Variants in SH3RF1 observed in about 807,000 individuals in gnomAD.
The protein encoded by SH3RF1 is SH3 domain containing ring finger 1.
SH3RF1 carries 32 observed loss-of-function variants against 74.0 expected under a neutral mutation model. That is an observed-to-expected ratio of 0.43 (90% CI 0.33 to 0.58). The LOEUF is 0.58. Among genes scored for constraint, SH3RF1 ranks in the 20% least tolerant of loss-of-function variants. The pLI is 0.05. For synonymous variants in SH3RF1, 396 were observed against 439.6 expected, an observed-to-expected ratio of 0.90 and a Z score of 1.24; for missense variants, 954 against 1,130.9, an observed-to-expected ratio of 0.84 and a Z score of 2.24.
Position 169,269,085 on chromosome 4 carries a change from G to T in SH3RF1, c.128C>A (p.Ser43Tyr). The change falls in exon 2 of 12, where the codon TCT becomes TAT. Residue 43 changes from serine to tyrosine, a missense_variant. By Grantham distance (144) the Ser-to-Tyr change is moderately radical (BLOSUM62 -2). Coordinates refer to ENST00000284637, the MANE Select transcript of SH3RF1 (RefSeq NM_020870.4). ...CTCGGGACATCTGAGTTCATTTCGA[G>T]AACCTACGATCCCCAGCAAACATCG... is the stretch of plus-strand genomic sequence containing the variant. Reference protein sequence around the residue: ...CKRCLLGIVGSRNELRCPECR... With the variant: ...CKRCLLGIVGYRNELRCPECR... 1 of 1,614,158 alleles carries T rather than the reference G, an allele frequency of 6.2e-7. No individual in the cohort carries two copies. The highest frequency in any genetic ancestry group is 1.7e-5 in the Admixed American group (1 of 60,024).
chr4:169,168,751 G>GA (rs1734283198), intron 2 of SH3RF1, among the ~76,000 whole-genome samples: 1 of 152,234 alleles, frequency 6.6e-6, no homozygotes, highest in African/African-American at 2.4e-5. Flanking sequence ...CAAAGGGACA[G>GA]ACTATGACTG....
At chr4:169,100,650 T>C (rs1408490806) in intron 11 of SH3RF1, among the ~76,000 whole-genome samples, 1 of 152,182 alleles carries the variant, frequency 6.6e-6, no homozygotes, top group East Asian at 1.9e-4. Flanking sequence ...CACATACTAA[T>C]ATTCTTAAGT....
intron 10 of SH3RF1, among the ~76,000 whole-genome samples, chr4:169,113,852 G>A (rs17054728): frequency 6.6e-6 from 1 of 151,998 alleles, no homozygotes; most frequent in Non-Finnish European, 1.5e-5. Flanking sequence ...AAACTTCAAG[G>A]GTATAGCATT....
chr4:169,157,106 T>A (rs1450339348), intron 2 of SH3RF1, among the ~76,000 whole-genome samples: 1 of 152,202 alleles, frequency 6.6e-6, no homozygotes, highest in Non-Finnish European at 1.5e-5. Context: ...AGGGGAAAAA[T>A]TTAAACCAAA....
Position 169,216,460 on chromosome 4 carries a change from T to C in SH3RF1, c.393+52360A>G, listed in dbSNP as rs757705352. 1.7e-3 allele frequency among the ~76,000 whole-genome samples: 262 copies of C among 152,330 alleles called. 1 individual carries two copies. Among genetic ancestry groups the C allele is most frequent in the Non-Finnish European group, 3.2e-3 (221 of 68,026 alleles). On this transcript the variant is annotated intron_variant, in intron 2 of 11. Transcript: ENST00000284637. ...TCTGGCTAAAATTTTCCATAACTGT[T>C]CTTGCTCCTTTTATTGTTGTTGTGA... is the stretch of plus-strand genomic sequence containing the variant.
At chr4:169,138,063 TC>T (rs1254565876) in intron 4 of SH3RF1, among the ~76,000 whole-genome samples, 1 of 152,206 alleles carries the variant, frequency 6.6e-6, no homozygotes, top group African/African-American at 2.4e-5. Context: ...AAAGACTTCT[TC>T]CGATATGTGT....
chr4:169,145,798 A>G (rs1286023710), intron 4 of SH3RF1, among the ~76,000 whole-genome samples: 2 of 131,032 alleles, frequency 1.5e-5, no homozygotes, highest in Non-Finnish European at 3.2e-5. Flanking sequence ...ATTATTCTAT[A>G]TAAAATATAT....
chr4:169,176,772 C>G (rs1734428127), intron 2 of SH3RF1, among the ~76,000 whole-genome samples: 1 of 152,238 alleles, frequency 6.6e-6, no homozygotes, highest in Middle Eastern at 3.4e-3. Flanking sequence ...AACTCCCTGC[C>G]TCAGGCAATC....
chr4:169,252,072 C>T (rs537634160), intron 2 of SH3RF1, among the ~76,000 whole-genome samples: 29 of 152,180 alleles, frequency 1.9e-4, no homozygotes, highest in Non-Finnish European at 4.1e-4. Context: ...TCAAGAACCA[C>T]GTGAGATGTG....
At chr4:169,168,340 A>G (rs539922136) in intron 2 of SH3RF1, among the ~76,000 whole-genome samples, 2 of 152,360 alleles carry the variant, frequency 1.3e-5, no homozygotes, top group South Asian at 4.1e-4. Context: ...ATCTGACCTT[A>G]TTAGCACCAG....
intron 10 of SH3RF1, among the ~76,000 whole-genome samples, chr4:169,115,669 A>G (rs1346000465): frequency 1.3e-5 from 2 of 152,186 alleles, no homozygotes; most frequent in Admixed American, 1.3e-4. Flanking sequence ...TAATGTAATG[A>G]GCTTGAATCA....
rs917514917 is a variant in SH3RF1, at chr4:169,208,595, T to C, written c.394-51916A>G. Among the ~76,000 whole-genome samples the C allele has an allele frequency of 2.0e-5, 3 of 152,328 alleles. No homozygotes were observed. In the South Asian group the frequency reaches 6.2e-4, roughly 32 times the overall value. On this transcript the variant is annotated intron_variant, in intron 2 of 11. Coordinates refer to ENST00000284637, the MANE Select transcript of SH3RF1 (RefSeq NM_020870.4). Reference sequence around the variant, plus strand: ...AAAAGGCAATTAGTCATCTTAGTTATACCAATTTCACTCTGTCTTAGTGCC... The same window carrying C: ...AAAAGGCAATTAGTCATCTTAGTTACACCAATTTCACTCTGTCTTAGTGCC...
Position 169,136,611 on chromosome 4 carries a change from C to T in SH3RF1, c.775G>A (p.Ala259Thr), listed in dbSNP as rs756942164. 1.3e-6 allele frequency: 2 copies of T among 1,509,108 alleles called. No individual in the cohort carries two copies. The highest frequency in any genetic ancestry group is 2.7e-5 in the South Asian group (2 of 75,258). 93.5% of individuals were successfully genotyped at this position (1,509,108 alleles called of 1,614,324 possible). ...FPISYVEFNSAAKQLIEWDKP... is the reference protein window; with the variant it reads ...FPISYVEFNSTAKQLIEWDKP... Reference sequence around the variant, plus strand: ...TCCCATTCTATCAGCTGCTTAGCAGCCGAGTTAAACTGCAAAAGCAACCAA... The same window carrying T: ...TCCCATTCTATCAGCTGCTTAGCAGTCGAGTTAAACTGCAAAAGCAACCAA... The change falls in exon 5 of 12, where the codon GCT becomes ACT. Residue 259 changes from alanine to threonine, a missense_variant. Ala to Thr is a moderately conservative substitution (Grantham distance 58). Transcript: ENST00000284637.
chr4:169,259,965 C>A (rs1376144914), intron 2 of SH3RF1, among the ~76,000 whole-genome samples: 3 of 152,100 alleles, frequency 2.0e-5, no homozygotes, highest in Non-Finnish European at 4.4e-5. Flanking sequence ...ATTTTAAAGT[C>A]TTTTTACATA....
In SH3RF1 at chr4:169,268,505, T is replaced by C. The variant is rs182245662; in HGVS notation, c.393+315A>G. Among the ~76,000 whole-genome samples, 489 of 152,308 alleles carry C rather than the reference T, an allele frequency of 3.2e-3. 1 individual carries two copies. The highest frequency in any genetic ancestry group is 0.011 in the African/African-American group (474 of 41,574). On this transcript the variant is annotated intron_variant, in intron 2 of 11. Transcript: ENST00000284637. ...CCCATCAAAATGATAAAATACCAAATTTCCATTTTAAAATGGGCACAGAAC... is the reference window on the plus strand; with the variant it reads ...CCCATCAAAATGATAAAATACCAAACTTCCATTTTAAAATGGGCACAGAAC...
chr4:169,117,045 G>A (rs756838951), intron 9 of SH3RF1, among the ~76,000 whole-genome samples: 5 of 152,188 alleles, frequency 3.3e-5, no homozygotes, highest in Non-Finnish European at 7.4e-5. Flanking sequence ...GAGTTCACAA[G>A]CCTTTAGTTT....
intron 11 of SH3RF1, among the ~76,000 whole-genome samples, chr4:169,103,062 A>G (rs1579082829): frequency 6.8e-6 from 1 of 146,992 alleles, no homozygotes; most frequent in African/African-American, 2.5e-5. Flanking sequence ...CTGGGATTAC[A>G]GGTGCCCGCC....
intron 2 of SH3RF1, among the ~76,000 whole-genome samples, chr4:169,248,812 T>A (rs557935439): frequency 1.9e-3 from 297 of 152,334 alleles, no homozygotes; most frequent in Middle Eastern, 0.01. Context: ...CACTGCTTAC[T>A]TTCAGTGACC....
At position 169,268,945 on chromosome 4, in the gene SH3RF1, C is replaced by T. The variant is rs1327582158; in HGVS notation, c.268G>A (p.Gly90Arg). Residue 90 changes from glycine to arginine, a missense_variant, in exon 2 of 12, where the codon GGG (glycine) becomes AGG (arginine). Around this residue, in one of 3 missense-constraint regions of SH3RF1, gnomAD observed 854 missense variants for 962.5 expected, o/e 0.89. Coordinates refer to ENST00000284637, the MANE Select transcript of SH3RF1 (RefSeq NM_020870.4). The part of the protein sequence containing the change: ...PWKPGPGGGS[G>R]TNCTNALRSQ... ...CTTAATGCATTTGTGCAGTTGGTCC[C>T]ACTTCCCCCACCAGGACCAGGTTTC... The T allele has an allele frequency of 6.2e-7, 1 of 1,614,134 alleles. No individual in the cohort carries two copies.
Sources: gnomAD v4.1 joint callset for allele counts (sites outside exome capture counted in the v4.1 genomes callset) on GRCh38, gnomAD v4.1.1 for gene constraint, gnomAD v4.1.1 regional missense constraint, MANE v1.5 for transcripts, NCBI Gene and HGNC (gene_info 2026-07-23, HGNC 2026-07-21) for gene names.